Variants in TENM3 observed in about 807,000 individuals in gnomAD.
TENM3 encodes teneurin-3.
A neutral mutation model predicts 255.1 loss-of-function variants in TENM3; 63 were observed. The ratio of observed to expected loss-of-function variants is 0.25; its 90% CI spans 0.20 to 0.30. The LOEUF is 0.30. Among genes scored for constraint, TENM3 ranks in the 10% least tolerant of loss-of-function variants. The pLI, the probability that TENM3 is intolerant of heterozygous loss-of-function variation, is 1.00. For missense variants in TENM3, 2,929 were observed against 3,461.1 expected (o/e 0.85, Z 3.86); for synonymous variants, 1,306 against 1,322.3 (o/e 0.99, Z 0.27).
chr4:181,641,805 C>CAT, the TENM3 span, among the ~76,000 whole-genome samples: 4,004 of 31,384 alleles, frequency 0.13, 512 homozygotes, highest in Middle Eastern at 0.21. Context: ...ACACACACAC[C>CAT]ATATATATAT....
chr4:181,745,568 C>A, the TENM3 span, among the ~76,000 whole-genome samples: 6 of 152,264 alleles, frequency 3.9e-5, no homozygotes, highest in East Asian at 7.7e-4. Context: ...AGGCCTACAG[C>A]AAGACTGCAG....
the TENM3 span, among the ~76,000 whole-genome samples, chr4:181,950,276 C>G: frequency 1.3e-5 from 2 of 152,038 alleles, no homozygotes; most frequent in Admixed American, 1.3e-4. Context: ...TTTATCTACC[C>G]AAATCCTACA....
At chr4:182,517,300 G>A (rs955559764) in intron 3 of TENM3, among the ~76,000 whole-genome samples, 11 of 151,952 alleles carry the variant, frequency 7.2e-5, no homozygotes, top group Admixed American at 1.3e-4. Context: ...AGAGCTTCAC[G>A]GTAGCACTAG....
the TENM3 span, among the ~76,000 whole-genome samples, chr4:181,777,822 A>C: frequency 1.3e-5 from 2 of 152,120 alleles, no homozygotes; most frequent in African/African-American, 4.8e-5. Flanking sequence ...CAGTTGCCCC[A>C]TTCCACCTTA....
At chr4:182,567,147 T>C (rs1294735277) in intron 3 of TENM3, among the ~76,000 whole-genome samples, 1 of 152,212 alleles carries the variant, frequency 6.6e-6, no homozygotes, top group African/African-American at 2.4e-5. Flanking sequence ...AAAGGGAGTT[T>C]GCTTTTTAAG....
chr4:182,360,754 A>G (rs368425656), intron 3 of TENM3, among the ~76,000 whole-genome samples: 3 of 151,370 alleles, frequency 2.0e-5, no homozygotes, highest in Non-Finnish European at 4.4e-5. Flanking sequence ...GTGAATTTGA[A>G]CCTGTCATTA....
chr4:182,322,500 C>T (rs991495892), intron 1 of TENM3, among the ~76,000 whole-genome samples: 2 of 152,138 alleles, frequency 1.3e-5, no homozygotes, highest in African/African-American at 2.4e-5. Flanking sequence ...CTTCTTGTAG[C>T]TGATGGAAGG....
chr4:182,700,554 A>C (rs919380679), intron 12 of TENM3, among the ~76,000 whole-genome samples: 2 of 152,192 alleles, frequency 1.3e-5, no homozygotes, highest in Admixed American at 6.5e-5. Context: ...TGATAAGTTC[A>C]GTGACCCTCT....
intron 3 of TENM3, among the ~76,000 whole-genome samples, chr4:182,585,534 G>A (rs574331653): frequency 2.0e-5 from 3 of 151,348 alleles, no homozygotes; most frequent in East Asian, 1.9e-4. Flanking sequence ...TGTCTGCCTC[G>A]CCTCAGCAAG....
chr4:182,616,632 A>G (rs1749563315), intron 4 of TENM3, among the ~76,000 whole-genome samples: 1 of 149,932 alleles, frequency 6.7e-6, no homozygotes, highest in Non-Finnish European at 1.5e-5. Flanking sequence ...GTTTCTGCAG[A>G]TGCTCGTGTG....
At chr4:181,903,569 C>A in the TENM3 span, among the ~76,000 whole-genome samples, 1 of 152,206 alleles carries the variant, frequency 6.6e-6, no homozygotes. Flanking sequence ...CAACTCAAAC[C>A]AATTACTGTG....
intron 1 of TENM3, among the ~76,000 whole-genome samples, chr4:182,161,675 GTA>G (rs200176600): frequency 0.047 from 5,077 of 108,758 alleles, 764 homozygotes; most frequent in East Asian, 0.19. Flanking sequence ...ATATATATAT[GTA>G]TATATATACA....
At chr4:181,808,794 C>T in the TENM3 span, among the ~76,000 whole-genome samples, 17 of 152,134 alleles carry the variant, frequency 1.1e-4, no homozygotes, top group African/African-American at 3.1e-4. Flanking sequence ...AATTCTATTA[C>T]GATCACATAC....
the TENM3 span, among the ~76,000 whole-genome samples, chr4:181,887,116 C>T: frequency 1.3e-3 from 199 of 152,204 alleles, 2 homozygotes; most frequent in African/African-American, 4.5e-3. Flanking sequence ...CCCCTAAGTG[C>T]CAGTCTAAAA....
chr4:182,594,209 T>C (rs1339384464), intron 3 of TENM3, among the ~76,000 whole-genome samples: 1 of 151,882 alleles, frequency 6.6e-6, no homozygotes, highest in Non-Finnish European at 1.5e-5. Flanking sequence ...AGGCAGGGTC[T>C]TGCTGTGTTG....
At chr4:182,638,006 G>T (rs1020315459) in intron 5 of TENM3, among the ~76,000 whole-genome samples, 1 of 148,566 alleles carries the variant, frequency 6.7e-6, no homozygotes, top group Non-Finnish European at 1.5e-5. Flanking sequence ...GTGATATAAT[G>T]AAAATTTATC....
At chr4:182,095,080 G>A in the TENM3 span, among the ~76,000 whole-genome samples, 9 of 152,278 alleles carry the variant, frequency 5.9e-5, no homozygotes, top group African/African-American at 1.7e-4. Flanking sequence ...TGTTGGTGGG[G>A]ATGTGAATTT....
chr4:182,510,130 A>C (rs949843011), intron 3 of TENM3, among the ~76,000 whole-genome samples: 1 of 152,182 alleles, frequency 6.6e-6, no homozygotes, highest in African/African-American at 2.4e-5. Context: ...TTTAGCCTCC[A>C]GTTTACTGCT....
the TENM3 span, among the ~76,000 whole-genome samples, chr4:181,484,567 G>A: frequency 5.0e-3 from 759 of 152,158 alleles, 8 homozygotes; most frequent in African/African-American, 0.018. Flanking sequence ...TAGTAATTAG[G>A]GCTTTGTAAC....
Sources: gnomAD v4.1 joint callset for allele counts (sites outside exome capture counted in the v4.1 genomes callset) on GRCh38, gnomAD v4.1.1 for gene constraint, MANE v1.5 for transcripts, NCBI Gene and HGNC (gene_info 2026-07-23, HGNC 2026-07-21) for gene names.